PHF24: variants seen among roughly 807,000 people sequenced by gnomAD.
PHF24 encodes the protein Galpha inhibitory interacting protein.
In PHF24, 25 loss-of-function variants were observed where a neutral mutation model predicts 42.6. The ratio of observed to expected loss-of-function variants is 0.59; its 90% CI spans 0.43 to 0.82. PHF24 has a LOEUF of 0.82. Among genes scored for constraint, PHF24 ranks in the 40% least tolerant of loss-of-function variants. The pLI is 0.00. For missense variants in PHF24, 470 were observed against 538.1 expected, an observed-to-expected ratio of 0.87 and a Z score of 1.25; for synonymous variants, 185 against 204.8, an observed-to-expected ratio of 0.90 and a Z score of 0.83.
At chr9:34,958,134 G>A (rs1365642472), upstream of PHF24, among the ~76,000 whole-genome samples, 1 of 148,338 alleles carries the variant, frequency 6.7e-6, no homozygotes, top group Non-Finnish European at 1.5e-5. This position sits in a 1 kb window ranked among gnomAD's most constrained non-coding sequence, Gnocchi z 4.5. Context: ...GGACTGGGCG[G>A]GGCGGGGCGC....
chr9:34,971,925 C>T (rs762074790), intron 2 of PHF24, among the ~76,000 whole-genome samples: 4 of 152,268 alleles, frequency 2.6e-5, no homozygotes, highest in Non-Finnish European at 2.9e-5. Context: ...CCCTCTTCCC[C>T]GCTGCCATGG....
the PHF24 span, among the ~76,000 whole-genome samples, chr9:34,868,564 A>G: frequency 4.6e-5 from 7 of 152,028 alleles, no homozygotes; most frequent in Non-Finnish European, 1.0e-4. Flanking sequence ...AAAAGTTGTC[A>G]CCCCCATATC....
the PHF24 span, among the ~76,000 whole-genome samples, chr9:34,933,527 A>G: frequency 6.6e-5 from 10 of 151,956 alleles, no homozygotes; most frequent in African/African-American, 2.2e-4. Context: ...GATGGAGACC[A>G]TCCTGGCTAA....
chr9:34,826,750 T>A, the PHF24 span, among the ~76,000 whole-genome samples: 1 of 152,176 alleles, frequency 6.6e-6, no homozygotes, highest in South Asian at 2.1e-4. Flanking sequence ...CCATGACATG[T>A]TGTTACCTGA....
the PHF24 span, among the ~76,000 whole-genome samples, chr9:34,683,027 C>G: frequency 1.3e-5 from 2 of 151,410 alleles, no homozygotes; most frequent in African/African-American, 4.9e-5. Context: ...ATGTGTCTGT[C>G]TTCCTTACCT....
the PHF24 span, among the ~76,000 whole-genome samples, chr9:34,731,852 G>T: frequency 5.3e-5 from 8 of 150,304 alleles, no homozygotes; most frequent in East Asian, 3.9e-4. Flanking sequence ...GTATTTTTAG[G>T]TTTTTTTTTC....
chr9:34,802,747 T>C, the PHF24 span, among the ~76,000 whole-genome samples: 1 of 152,234 alleles, frequency 6.6e-6, no homozygotes, highest in Non-Finnish European at 1.5e-5. Flanking sequence ...TTTCAGATCC[T>C]TTCCATTGTA....
chr9:34,722,835 A>G, the PHF24 span, among the ~76,000 whole-genome samples: 2 of 152,164 alleles, frequency 1.3e-5, no homozygotes, highest in Non-Finnish European at 2.9e-5. Flanking sequence ...GGGACAGTGG[A>G]AAATATTCTG....
intron 6 of PHF24, 63 bp downstream of exon 6, chr9:34,977,306 G>C: frequency 6.6e-7 from 1 of 1,520,532 alleles, no homozygotes; most frequent in Non-Finnish European, 8.9e-7. Context: ...CATGCCAGTG[G>C]CCCTTCCATA....
chr9:34,832,510 T>G, the PHF24 span: 1 of 1,515,818 alleles, frequency 6.6e-7, no homozygotes, highest in Non-Finnish European at 8.8e-7. Flanking sequence ...TTCTCTGTCT[T>G]ACTTCTCCCC....
At chr9:34,947,622 G>T in the PHF24 span, among the ~76,000 whole-genome samples, 1 of 152,074 alleles carries the variant, frequency 6.6e-6, no homozygotes, top group African/African-American at 2.4e-5. Context: ...CCAGAAGAAG[G>T]CATTGTTGTC....
the PHF24 span, among the ~76,000 whole-genome samples, chr9:34,868,756 CT>C: frequency 2.0e-5 from 3 of 151,404 alleles, no homozygotes; most frequent in East Asian, 1.9e-4. Flanking sequence ...TTTTCCTTCT[CT>C]TTTTTTTTCC....
At chr9:34,863,262 C>T in the PHF24 span, among the ~76,000 whole-genome samples, 1 of 152,088 alleles carries the variant, frequency 6.6e-6, no homozygotes, top group Non-Finnish European at 1.5e-5. Flanking sequence ...TTGTAGAGCC[C>T]TAGGGCCTTG....
chr9:34,855,376 C>T, the PHF24 span, among the ~76,000 whole-genome samples: 326 of 152,294 alleles, frequency 2.1e-3, no homozygotes, highest in Middle Eastern at 0.014. Flanking sequence ...TGTCATTGAT[C>T]TGTGTACTTC....
the PHF24 span, among the ~76,000 whole-genome samples, chr9:34,815,504 A>G: frequency 1.3e-5 from 2 of 152,052 alleles, no homozygotes; most frequent in East Asian, 1.9e-4. Flanking sequence ...TTGTATTTTT[A>G]GTGGAGACAG....
the PHF24 span, chr9:34,832,221 A>G: frequency 6.8e-5 from 29 of 428,038 alleles, no homozygotes; most frequent in South Asian, 3.7e-4. Flanking sequence ...TGGGGAGCCT[A>G]TAAACTCTTT....
the PHF24 span, among the ~76,000 whole-genome samples, chr9:34,816,748 G>C: frequency 6.6e-6 from 1 of 152,322 alleles, no homozygotes; most frequent in East Asian, 1.9e-4. Flanking sequence ...GACACATTCA[G>C]ACCATAGCAA....
the PHF24 span, among the ~76,000 whole-genome samples, chr9:34,781,455 CG>C: frequency 6.6e-6 from 1 of 151,960 alleles, no homozygotes; most frequent in Non-Finnish European, 1.5e-5. Context: ...GCAAGGAGAG[CG>C]GGGAATTATT....
At chr9:34,804,691 T>C in the PHF24 span, among the ~76,000 whole-genome samples, 1 of 152,264 alleles carries the variant, frequency 6.6e-6, no homozygotes, top group South Asian at 2.1e-4. Context: ...CCAGAATCCA[T>C]GCTTGAAAAA....
Sources: allele counts gnomAD v4.1 joint callset (sites outside exome capture counted in the v4.1 genomes callset), GRCh38; gene constraint gnomAD v4.1.1; non-coding constraint Gnocchi (gnomAD v3.1); transcripts MANE v1.5; gene names NCBI Gene and HGNC (gene_info 2026-07-23, HGNC 2026-07-21).